The following KIF27 variants were observed in gnomAD, a reference collection of about 807,000 sequenced individuals.
KIF27 encodes the protein kinesin-like protein KIF27.
In KIF27, 84 loss-of-function variants were observed where a neutral mutation model predicts 141.8. The observed-to-expected ratio is 0.59, with a 90% CI of 0.50 to 0.71. The LOEUF is 0.71. Ranked by LOEUF, KIF27 falls within the 30% of genes least tolerant of loss-of-function variation. KIF27 has a pLI of 0.00. For missense variants in KIF27, 1,306 were observed against 1,628.4 expected, an observed-to-expected ratio of 0.80 and a Z score of 3.41; for synonymous variants, 471 against 569.5, an observed-to-expected ratio of 0.83 and a Z score of 2.46.
intron 2 of KIF27, 61 bp from the exon 3 acceptor site, chr9:83,908,713 CA>C: frequency 1.0e-6 from 1 of 989,600 alleles, no homozygotes; most frequent in Non-Finnish European, 1.5e-6. Flanking sequence ...GCTACAACCC[CA>C]AATTTATAGT....
chr9:83,863,687 T>C (rs1950128051), intron 13 of KIF27: 1 of 152,246 alleles, frequency 6.6e-6, no homozygotes, highest in South Asian at 2.1e-4. Context: ...GATGCTGGCC[T>C]CATAAAATGA....
At chr9:83,839,924 CAA>C (rs942915078) in intron 17 of KIF27, among the ~76,000 whole-genome samples, 34 of 152,086 alleles carry the variant, frequency 2.2e-4, no homozygotes, top group African/African-American at 7.2e-4. Flanking sequence ...GCCTGGGTAA[CAA>C]GAGTGAAACT....
At chr9:83,915,783 T>C in intron 1 of KIF27, 105 bp from the exon 2 acceptor site, 1 of 563,334 alleles carries the variant, frequency 1.8e-6, no homozygotes, top group Admixed American at 3.3e-5. Context: ...TTTGTTCCAA[T>C]ACAACACAGT....
At chr9:83,890,836 C>G (rs1952606436) in intron 6 of KIF27, among the ~76,000 whole-genome samples, 1 of 152,166 alleles carries the variant, frequency 6.6e-6, no homozygotes, top group African/African-American at 2.4e-5. Flanking sequence ...TATTTACCAA[C>G]CACACACAAA....
chr9:83,839,651 T>C (rs946744733), intron 17 of KIF27, among the ~76,000 whole-genome samples: 6 of 152,164 alleles, frequency 3.9e-5, no homozygotes, highest in African/African-American at 1.4e-4. Context: ...TAGGCAGTCT[T>C]CTATCAAAAC....
At chr9:83,850,517 C>T (rs538754806) in intron 15 of KIF27, among the ~76,000 whole-genome samples, 5 of 152,102 alleles carry the variant, frequency 3.3e-5, no homozygotes, top group African/African-American at 7.2e-5. Flanking sequence ...CAGTGGCTCA[C>T]GCCTGTAGTC....
rs1453177215 is a variant in KIF27, at chr9:83,891,282, G to T, written c.1809+13C>A. 3 of 1,605,488 alleles carry T rather than the reference G, an allele frequency of 1.9e-6. No homozygotes were observed. The African/African-American group carries it at 4.0e-5, about 22-fold the overall frequency. On this transcript the variant is annotated intron_variant, in intron 6 of 17. Transcript: ENST00000297814. ...TTAATCTCCAAATAAGGAAAAGATT[G>T]TTTGGACTTTACCTTCCTGGAATCT...
chr9:83,889,858 G>C (rs1243338705), intron 6 of KIF27, among the ~76,000 whole-genome samples: 3 of 152,140 alleles, frequency 2.0e-5, no homozygotes, highest in African/African-American at 7.2e-5. Flanking sequence ...TGGCTAGCCT[G>C]GGAGTTTTCT....
At chr9:83,850,678 G>C (rs2131684419) in intron 15 of KIF27, among the ~76,000 whole-genome samples, 1 of 151,310 alleles carries the variant, frequency 6.6e-6, no homozygotes, top group East Asian at 2.0e-4. Context: ...AGCTACTTGG[G>C]AGGCTGAAGC....
At chr9:83,854,570 CTTTT>C (rs897216216) in intron 14 of KIF27, among the ~76,000 whole-genome samples, 7 of 152,068 alleles carry the variant, frequency 4.6e-5, no homozygotes. Context: ...TTTTCCTTTT[CTTTT>C]TTTATTTTGG....
At chr9:83,881,982 G>T (rs1951711315) in intron 10 of KIF27, among the ~76,000 whole-genome samples, 2 of 152,148 alleles carry the variant, frequency 1.3e-5, no homozygotes, top group African/African-American at 4.8e-5. Context: ...ATAGGTTTTA[G>T]AAGTTTTTAA....
intron 11 of KIF27, 124 bp downstream of exon 11, chr9:83,880,173 A>G: frequency 1.4e-6 from 2 of 1,399,950 alleles, no homozygotes; most frequent in Non-Finnish European, 2.0e-6. Flanking sequence ...GAATAAGGAC[A>G]GCAGTGAAGG....
At position 83,915,379 on chromosome 9, in the gene KIF27, T is replaced by TGAC; in HGVS notation, c.210_212dup (p.Ser71dup). On this transcript the variant is annotated inframe_insertion, in exon 2 of 18. Transcript: ENST00000297814. The stretch of plus-strand genomic sequence containing the variant: ...CAGTTGCATTATAGCCCTCAATGAG[T>TGAC]GACAACACTAGGGGCTTTATACATG... 6.2e-7 allele frequency: 1 copy of TGAC among 1,613,812 alleles called. No homozygotes were observed. The highest frequency in any genetic ancestry group is 8.5e-7 in the Non-Finnish European group (1 of 1,179,796).
At position 83,903,937 on chromosome 9, in the gene KIF27, T is replaced by A; in HGVS notation, c.581A>T (p.His194Leu). The change falls in exon 4 of 18, where the codon CAT becomes CTT. Residue 194 changes from histidine (H) to leucine (L), a missense_variant. Coordinates refer to ENST00000297814, the MANE Select transcript of KIF27 (RefSeq NM_017576.4). ...CTCATTCATTTGAGTGGTACCTGTA[T>A]GTCTGGCTGCATTCCCCATCTCCAA... ...SLLEMGNAARHTGTTQMNEHS... is the reference protein window; with the variant it reads ...SLLEMGNAARLTGTTQMNEHS... 6.2e-7 allele frequency: 1 copy of A among 1,614,188 alleles called. No individual in the cohort carries two copies. The highest frequency in any genetic ancestry group is 8.5e-7 in the Non-Finnish European group (1 of 1,180,032).
At chr9:83,906,390 T>C (rs1382776460) in intron 3 of KIF27, among the ~76,000 whole-genome samples, 6 of 152,066 alleles carry the variant, frequency 3.9e-5, no homozygotes, top group African/African-American at 1.4e-4. Context: ...GGAAATTCCC[T>C]CCTCTGGCAG....
At chr9:83,857,966 G>GTTT (rs373203891) in intron 14 of KIF27, among the ~76,000 whole-genome samples, 12 of 123,342 alleles carry the variant, frequency 9.7e-5, no homozygotes, top group Non-Finnish European at 1.7e-4. Flanking sequence ...AATACTTTGG[G>GTTT]TTTTTTTTTT....
intron 5 of KIF27, among the ~76,000 whole-genome samples, chr9:83,898,118 T>C (rs1177211728): frequency 1.3e-5 from 2 of 152,060 alleles, no homozygotes; most frequent in Non-Finnish European, 2.9e-5. Flanking sequence ...TATATGTGCA[T>C]GTGCACCGAG....
intron 5 of KIF27, among the ~76,000 whole-genome samples, chr9:83,896,586 T>C (rs565443846): frequency 2.0e-5 from 3 of 152,078 alleles, no homozygotes; most frequent in Non-Finnish European, 4.4e-5. Flanking sequence ...TCTAAGTAAA[T>C]GGAGAACAAT....
intron 11 of KIF27, among the ~76,000 whole-genome samples, chr9:83,878,226 A>C (rs1484504618): frequency 6.7e-6 from 1 of 149,346 alleles, no homozygotes; most frequent in Admixed American, 6.6e-5. Context: ...TACTCAGATG[A>C]CTATAATTAA....
Sources: allele counts gnomAD v4.1 joint callset (sites outside exome capture counted in the v4.1 genomes callset), GRCh38; gene constraint gnomAD v4.1.1; transcripts MANE v1.5; gene names NCBI Gene and HGNC (gene_info 2026-07-23, HGNC 2026-07-21).